The following AKAP6 variants were observed in gnomAD, a reference collection of about 807,000 sequenced individuals.
The protein encoded by AKAP6 is A-kinase anchoring protein 6.
Under a neutral mutation model 188.5 loss-of-function variants are expected in AKAP6, and 58 were observed. That is an observed-to-expected ratio of 0.31 (90% CI 0.25 to 0.38). The LOEUF (loss-of-function observed/expected upper bound fraction) is 0.38, where lower values mean the gene tolerates loss of function less well. AKAP6 is among the 10% of genes least tolerant of loss of function. AKAP6 has a pLI of 1.00. For missense variants in AKAP6, 2,710 were observed against 2,740.0 expected (o/e 0.99, Z 0.24); for synonymous variants, 989 against 998.6 (o/e 0.99, Z 0.18).
At chr14:32,449,965 G>A (rs1240417160) in intron 2 of AKAP6, among the ~76,000 whole-genome samples, 1 of 152,180 alleles carries the variant, frequency 6.6e-6, no homozygotes, top group Non-Finnish European at 1.5e-5. Flanking sequence ...ATTAGTGATA[G>A]TCAGTTGTCA....
chr14:32,561,472 A>C (rs1417122822), intron 4 of AKAP6, among the ~76,000 whole-genome samples: 1 of 152,192 alleles, frequency 6.6e-6, no homozygotes, highest in Non-Finnish European at 1.5e-5. Flanking sequence ...AACTGTGAGG[A>C]ATAACTAAGA....
chr14:32,540,319 C>T (rs1428828783), intron 3 of AKAP6, among the ~76,000 whole-genome samples: 1 of 151,450 alleles, frequency 6.6e-6, no homozygotes, highest in Non-Finnish European at 1.5e-5. Flanking sequence ...CTGCCTCAGC[C>T]TCCCCAGTAG....
intron 9 of AKAP6, among the ~76,000 whole-genome samples, chr14:32,708,392 T>C (rs939685417): frequency 1.4e-5 from 2 of 144,124 alleles, no homozygotes; most frequent in Non-Finnish European, 3.1e-5. Context: ...CATGTGCACA[T>C]GTGAGAGAAA....
intron 1 of AKAP6, among the ~76,000 whole-genome samples, chr14:32,423,753 G>A (rs901482908): frequency 1.3e-5 from 2 of 151,778 alleles, no homozygotes; most frequent in African/African-American, 2.4e-5. Context: ...TTTTTACAAC[G>A]TTTTAACTAA....
intron 2 of AKAP6, among the ~76,000 whole-genome samples, chr14:32,440,262 T>A (rs1890526058): frequency 6.7e-6 from 1 of 148,648 alleles, no homozygotes; most frequent in African/African-American, 2.5e-5. Context: ...GATGGACTCA[T>A]AGGTGGGAAC....
intron 5 of AKAP6, among the ~76,000 whole-genome samples, chr14:32,595,446 C>A (rs565798353): frequency 4.6e-5 from 7 of 152,238 alleles, no homozygotes; most frequent in African/African-American, 1.7e-4. Context: ...AACCTGGATC[C>A]CAGCATGGGC....
At chr14:32,347,965 C>G (rs1198024390) in intron 1 of AKAP6, among the ~76,000 whole-genome samples, 1 of 152,178 alleles carries the variant, frequency 6.6e-6, no homozygotes, top group Non-Finnish European at 1.5e-5. Context: ...AACTCTTTTC[C>G]TCAAGGAAAT....
At chr14:32,746,227 C>T (rs2031904664) in intron 11 of AKAP6, among the ~76,000 whole-genome samples, 1 of 152,096 alleles carries the variant, frequency 6.6e-6, no homozygotes, top group South Asian at 2.1e-4. Flanking sequence ...CTGCTCTCCT[C>T]AAGCAGAAGG....
At chr14:32,683,076 C>T (rs986570434) in intron 8 of AKAP6, among the ~76,000 whole-genome samples, 2 of 150,766 alleles carry the variant, frequency 1.3e-5, no homozygotes, top group African/African-American at 2.4e-5. Flanking sequence ...TCACCGCAAC[C>T]TCCGCCTCTT....
At chr14:32,521,143 A>T (rs1000841121) in intron 2 of AKAP6, among the ~76,000 whole-genome samples, 10 of 152,318 alleles carry the variant, frequency 6.6e-5, no homozygotes, top group East Asian at 1.9e-4. Flanking sequence ...ACAGCCCTTC[A>T]TGCTAAAAAC....
chr14:32,537,510 G>A (rs1412028758), intron 3 of AKAP6, among the ~76,000 whole-genome samples: 1 of 152,130 alleles, frequency 6.6e-6, no homozygotes, highest in Non-Finnish European at 1.5e-5. Context: ...CCTCTAGAGA[G>A]ATCTTTCTTT....
Position 32,433,759 on chromosome 14 carries a change from A to G in AKAP6, c.266A>G (p.Tyr89Cys). ...TCAGAGAGGGTCCGAGACCTAACCT[A>G]TTCAGTCCAGCAGGATTCGGACAGC... is the stretch of plus-strand genomic sequence containing the variant. ...MTSERVRDLT[Y>C]SVQQDSDSKH... Residue 89 changes from tyrosine to cysteine, a missense_variant, in exon 2 of 14, where the codon TAT becomes TGT. Transcript: ENST00000280979. The G allele has an allele frequency of 6.2e-7, 1 of 1,614,188 alleles. No homozygotes were observed. Among genetic ancestry groups the G allele is most frequent in the Non-Finnish European group, 8.5e-7 (1 of 1,180,044 alleles).
intron 2 of AKAP6, among the ~76,000 whole-genome samples, chr14:32,453,095 A>G (rs950223495): frequency 6.6e-6 from 1 of 152,208 alleles, no homozygotes; most frequent in Non-Finnish European, 1.5e-5. Context: ...CTTCAGAAAC[A>G]TAATTTATTA....
chr14:32,535,580 T>C lies in AKAP6; in HGVS notation c.351T>C (p.His117=), dbSNP rs760283402. The C allele has an allele frequency of 6.2e-7, 1 of 1,614,004 alleles. No individual in the cohort carries two copies. Among genetic ancestry groups the C allele is most frequent in the Non-Finnish European group, 8.5e-7 (1 of 1,179,874 alleles). ...ACATTTGTGAAGATATTTCTGATCA[T>C]GTTGAGCAAATCCATGCCCTCCTTG... ...LKDICEDISD[H]VEQIHALLET... is the part of the protein sequence containing the mutation. Residue 117 remains histidine, a synonymous_variant, in exon 3 of 14, where the codon CAT becomes CAC. Transcript: ENST00000280979.
intron 1 of AKAP6, among the ~76,000 whole-genome samples, chr14:32,419,413 AT>A (rs1012529974): frequency 1.3e-5 from 2 of 152,212 alleles, no homozygotes; most frequent in Non-Finnish European, 2.9e-5. Flanking sequence ...TTCATCACCC[AT>A]GAAATGTCTT....
At chr14:32,782,413 A>G (rs1052743210) in intron 12 of AKAP6, among the ~76,000 whole-genome samples, 4 of 152,182 alleles carry the variant, frequency 2.6e-5, no homozygotes, top group Non-Finnish European at 5.9e-5. Context: ...CCAGATCCAT[A>G]AAGCAAGAAA....
intron 11 of AKAP6, among the ~76,000 whole-genome samples, chr14:32,752,908 A>AGT (rs2032192739): frequency 6.6e-6 from 1 of 151,660 alleles, no homozygotes; most frequent in South Asian, 2.1e-4. Flanking sequence ...TGTGTGTGTA[A>AGT]GTGTGTGTAT....
intron 9 of AKAP6, among the ~76,000 whole-genome samples, chr14:32,702,752 C>T (rs1049449699): frequency 1.2e-4 from 19 of 152,264 alleles, no homozygotes; most frequent in Non-Finnish European, 1.8e-4. Flanking sequence ...CTGGCTCTGG[C>T]CTAGAGTGGA....
At chr14:32,621,637 G>A (rs973852988) in intron 7 of AKAP6, among the ~76,000 whole-genome samples, 3 of 152,032 alleles carry the variant, frequency 2.0e-5, no homozygotes, top group African/African-American at 7.2e-5. Context: ...CGAGAATAAT[G>A]TATATTATAC....
Sources: allele counts gnomAD v4.1 joint callset (sites outside exome capture counted in the v4.1 genomes callset), GRCh38; gene constraint gnomAD v4.1.1; transcripts MANE v1.5; gene names NCBI Gene and HGNC (gene_info 2026-07-23, HGNC 2026-07-21).